ADAM33: variants seen among roughly 807,000 people sequenced by gnomAD.
ADAM33 encodes disintegrin and metalloproteinase domain-containing protein 33.
A neutral mutation model predicts 106.2 loss-of-function variants in ADAM33; 103 were observed. The observed-to-expected ratio is 0.97, with a 90% CI of 0.83 to 1.14. The LOEUF (loss-of-function observed/expected upper bound fraction) is 1.14, where lower values mean the gene tolerates loss of function less well. Ranked by LOEUF, ADAM33 falls within the 50% of genes most tolerant of loss-of-function variation. The pLI, the probability that ADAM33 is intolerant of heterozygous loss-of-function variation, is 0.00. For missense variants in ADAM33, 1,120 were observed against 1,096.6 expected, an observed-to-expected ratio of 1.02 and a Z score of -0.30; for synonymous variants, 483 against 453.0, an observed-to-expected ratio of 1.07 and a Z score of -0.84.
Position 3,674,122 on chromosome 20 carries a change from T to C in ADAM33, c.680A>G (p.His227Arg). Residue 227 changes from histidine to arginine, a missense_variant, in exon 8 of 22, where the codon CAC (histidine) becomes CGC (arginine). His to Arg is a conservative substitution (Grantham distance 29). Transcript: ENST00000356518. ...VADHTLFLTR[H>R]RNLNHTKQRL... ...CTGTTTGGTGTGGTTCAAGTTTCGG[T>C]GCCGAGTCAAGAACTGGGAAGGCAG... 1.9e-6 allele frequency: 3 copies of C among 1,614,160 alleles called. No individual in the cohort carries two copies. The highest frequency in any genetic ancestry group is 2.5e-6 in the Non-Finnish European group (3 of 1,180,024).
At position 3,671,296 on chromosome 20, in the gene ADAM33, G is replaced by A. The variant is rs773091023; in HGVS notation, c.2033C>T (p.Pro678Leu). 1 of 1,613,886 alleles carries A rather than the reference G, an allele frequency of 6.2e-7. No individual in the cohort carries two copies. The highest frequency in any genetic ancestry group is 1.1e-5 in the South Asian group (1 of 91,086). ...ACCAAAGCCTGGCTTGTCACAGAAG[G>A]GTGGAGCCCAGCCTGGAGCACAGTG... ...NCHCAPGWAP[P>L]FCDKPGFGGS... Residue 678 changes from proline to leucine, a missense_variant, in exon 18 of 22, where the codon CCC becomes CTC. Physicochemically the swap from Pro to Leu is moderately conservative, Grantham distance 98 (BLOSUM62 -3). Coordinates refer to ENST00000356518, the MANE Select transcript of ADAM33 (RefSeq NM_025220.5).
At chr20:3,672,948 C>T (rs781101933) in intron 11 of ADAM33, 50 bp from the exon 12 acceptor site, 2 of 1,477,710 alleles carry the variant, frequency 1.4e-6, no homozygotes, top group Admixed American at 4.8e-5. Context: ...CCCCCAACCC[C>T]CGCGCTTCTC....
At position 3,672,838 on chromosome 20, in the gene ADAM33, G is replaced by T; in HGVS notation, c.1194C>A (p.Arg398=). 1 of 1,575,564 alleles carries T rather than the reference G, an allele frequency of 6.3e-7. No individual in the cohort carries two copies. The highest frequency in any genetic ancestry group is 8.6e-7 in the Non-Finnish European group (1 of 1,168,322). Reference sequence around the variant, plus strand: ...TGGAGAGGCAAGCGCCGCCCCCCTTGCGGAAGAAGGCGCGCAGCTGGCGGC... The same window carrying T: ...TGGAGAGGCAAGCGCCGCCCCCCTTTCGGAAGAAGGCGCGCAGCTGGCGGC... The part of the protein sequence containing the change: ...CSRRQLRAFF[R]KGGGACLSNA... The change falls in exon 12 of 22, where the codon CGC becomes CGA. Residue 398 remains arginine (R), a synonymous_variant. Coordinates refer to ENST00000356518, the MANE Select transcript of ADAM33 (RefSeq NM_025220.5).
intron 4 of ADAM33, 80 bp from the exon 5 acceptor site, chr20:3,674,929 G>C: frequency 6.2e-7 from 1 of 1,606,866 alleles, no homozygotes; most frequent in African/African-American, 1.3e-5. Flanking sequence ...GTAGGGGCTG[G>C]CTCCAACCGC....
Position 3,673,573 on chromosome 20 carries a change from C to A in ADAM33, c.990+1G>T. 1 of 1,389,494 alleles carries A rather than the reference C, an allele frequency of 7.2e-7. No homozygotes were observed. The highest frequency in any genetic ancestry group is 1.5e-5 in the African/African-American group (1 of 65,532). The allele number at this position is 1,389,494 out of a possible 1,614,324, so 86.1% of individuals were successfully genotyped here. A position where few individuals can be genotyped will look rare whatever the true frequency, so the allele number is the denominator to read the frequency against. Reference sequence around the variant, plus strand: ...CCCTCGCCCCCGCCCGCGGGGCTCACCGTGCTCACGCCTCCCGAGCTCTCG... The same window carrying A: ...CCCTCGCCCCCGCCCGCGGGGCTCAACGTGCTCACGCCTCCCGAGCTCTCG... On this transcript the variant is annotated splice_donor_variant, in intron 10 of 21. Transcript: ENST00000356518. LOFTEE classifies it high-confidence loss of function.
intron 4 of ADAM33, 77 bp downstream of exon 4, chr20:3,674,950 T>C (rs932432761): frequency 1.2e-6 from 2 of 1,609,668 alleles, no homozygotes; most frequent in Non-Finnish European, 1.7e-6. Context: ...CCCTTAGGAA[T>C]GCAAGGAGGA....
rs899671833 is a variant in ADAM33, at chr20:3,673,791, G to A, written c.859C>T (p.Arg287Trp). 2.6e-6 allele frequency: 4 copies of A among 1,536,122 alleles called. No homozygotes were observed. Among genetic ancestry groups the A allele is most frequent in the Admixed American group, 2.0e-5 (1 of 50,676 alleles). The stretch of plus-strand genomic sequence containing the variant: ...TGGGGCCGCTGCGCCCACAGCCCCC[G>A]GCGCCACTGCAGGAAGGCCCAGAGC... ...ATLWAFLQWR[R>W]GLWAQRPHDS... Residue 287 changes from arginine to tryptophan, a missense_variant, in exon 9 of 22, where the codon CGG becomes TGG. Arg to Trp is a moderately radical substitution (Grantham distance 101). Transcript: ENST00000356518.
chr20:3,675,933 C>T lies in ADAM33; in HGVS notation c.255-828G>A, dbSNP rs1236388405. ...CCCCTACCCCTGCCCCACACACACCCGCCACCCTAGGAGGTAGGTGATGTG... is the reference window on the plus strand; with the variant it reads ...CCCCTACCCCTGCCCCACACACACCTGCCACCCTAGGAGGTAGGTGATGTG... On this transcript the variant is annotated intron_variant, in intron 3 of 21. Coordinates refer to ENST00000356518, the MANE Select transcript of ADAM33 (RefSeq NM_025220.5). This position sits in a 1 kb window ranked among gnomAD's most constrained non-coding sequence, Gnocchi z 4.1. 2.6e-5 allele frequency among the ~76,000 whole-genome samples: 4 copies of T among 151,932 alleles called. No homozygotes were observed. Among genetic ancestry groups the T allele is most frequent in the Non-Finnish European group, 5.9e-5 (4 of 67,900 alleles).
intron 3 of ADAM33, 47 bp downstream of exon 3, chr20:3,677,020 C>G (rs1231225653): frequency 4.4e-6 from 7 of 1,597,568 alleles, no homozygotes; most frequent in Non-Finnish European, 6.0e-6. Flanking sequence ...TCCCTGCCCC[C>G]CAACACTGAT....
In ADAM33 at chr20:3,668,329, C is replaced by G. The variant is rs1264802983; in HGVS notation, c.*634G>C. On this transcript the variant is annotated 3_prime_UTR_variant, in exon 22 of 22. Coordinates refer to ENST00000356518, the MANE Select transcript of ADAM33 (RefSeq NM_025220.5). ...CTTTGGTATCTTTTCTTAAATGGTT[C>G]CCTCTGTCCCCCCGACACACACAGA... 5 of 152,916 alleles carry G rather than the reference C, an allele frequency of 3.3e-5. No individual in the cohort carries two copies. The highest frequency in any genetic ancestry group is 7.3e-5 in the Non-Finnish European group (5 of 68,580). 9.5% of individuals were successfully genotyped at this position (152,916 alleles called of 1,614,324 possible).
intron 2 of ADAM33, among the ~76,000 whole-genome samples, chr20:3,677,452 C>T (rs1309022667): frequency 1.3e-5 from 2 of 152,320 alleles, no homozygotes; most frequent in East Asian, 3.9e-4. Flanking sequence ...CCTGGCCCGC[C>T]CTCTTCTTTC....
At chr20:3,679,201 C>T (rs2088240302) in intron 2 of ADAM33, among the ~76,000 whole-genome samples, 1 of 117,300 alleles carries the variant, frequency 8.5e-6, no homozygotes, top group Admixed American at 9.5e-5. Flanking sequence ...GGACCCATTT[C>T]TGCCTGGTGG....
chr20:3,675,069 G>A lies in ADAM33; in HGVS notation c.291C>T (p.Tyr97=), dbSNP rs748465094. The A allele has an allele frequency of 6.8e-5, 109 of 1,613,256 alleles. 1 individual carries two copies. Among genetic ancestry groups the A allele is most frequent in the South Asian group, 5.3e-4 (48 of 90,756 alleles). The change falls in exon 4 of 22, where the codon TAC becomes TAT. Residue 97 remains tyrosine (Y), a synonymous_variant. Transcript: ENST00000356518. The surrounding 1 kb of genome is among the most constrained non-coding windows in gnomAD (Gnocchi z 4.1). The part of the protein sequence containing the change: ...LLAPGYIETH[Y]GPDGQPVVLA... ...GCACCACTGGCTGCCCATCTGGGCC[G>A]TAGTGGGTTTCTATGTATCCTGGGG...
chr20:3,671,417 AC>A lies in ADAM33; in HGVS notation c.1983+1del. On this transcript the variant is annotated splice_donor_variant, in intron 17 of 21. Transcript: ENST00000356518. LOFTEE classifies it high-confidence loss of function. The stretch of plus-strand genomic sequence containing the variant: ...GGTCACCCCCACTCCTCGGGCTCTC[AC>A]CCCGTGGCTGTGGCAGGCAGTCAGG... 1 of 1,612,228 alleles carries A rather than the reference AC, an allele frequency of 6.2e-7. No individual in the cohort carries two copies. Among genetic ancestry groups the A allele is most frequent in the South Asian group, 1.1e-5 (1 of 90,998 alleles).
chr20:3,668,845 G>T lies in ADAM33; in HGVS notation c.*118C>A. 1 of 1,260,130 alleles carries T rather than the reference G, an allele frequency of 7.9e-7. No individual in the cohort carries two copies. The highest frequency in any genetic ancestry group is 1.2e-6 in the Non-Finnish European group (1 of 866,802). The allele number at this position is 1,260,130 out of a possible 1,614,324, so 78.1% of individuals were successfully genotyped here. On this transcript the variant is annotated 3_prime_UTR_variant, in exon 22 of 22. Transcript: ENST00000356518. ...CTCCACTCGGGGAAGAAACTTCCAA[G>T]CTGCCTGCAGGTGCTGGAGGTCCGG... is the stretch of plus-strand genomic sequence containing the variant.
At chr20:3,679,673 G>A (rs2088304926) in intron 1 of ADAM33, 102 bp from the exon 2 acceptor site, 8 of 1,082,602 alleles carry the variant, frequency 7.4e-6, no homozygotes, top group East Asian at 2.6e-5. Flanking sequence ...GGGAGGCACT[G>A]GAGGCCTTTT....
At position 3,668,644 on chromosome 20, in the gene ADAM33, G is replaced by A. The variant is rs56192728; in HGVS notation, c.*319C>T. The stretch of plus-strand genomic sequence containing the variant: ...AGACACACCAGACTCCCAGGACAGA[G>A]CCCTTTTGGGATGGCCAGCACTACC... On this transcript the variant is annotated 3_prime_UTR_variant, in exon 22 of 22. Transcript: ENST00000356518. The A allele has an allele frequency of 1.6e-4, 65 of 417,670 alleles. No individual in the cohort carries two copies. In the East Asian group the frequency reaches 2.8e-3, roughly 18 times the overall value. 25.9% of individuals were successfully genotyped at this position (417,670 alleles called of 1,614,324 possible).
In ADAM33 at chr20:3,672,744, C is replaced by T. The variant is rs1485213585; in HGVS notation, c.1288G>A (p.Glu430Lys). ...CGNGFVEAGE[E>K]CDCGPGQECR... ...ACCTGGCCAGGGCCGCAGTCACACT[C>T]CTCGCCCGCTTCCACGAAGCCGTTC... The change falls in exon 12 of 22, where the codon GAG (glutamate) becomes AAG (lysine). Residue 430 changes from glutamate to lysine, a missense_variant. Glu to Lys is a moderately conservative substitution (Grantham distance 56, BLOSUM62 1). Coordinates refer to ENST00000356518, the MANE Select transcript of ADAM33 (RefSeq NM_025220.5). 1.9e-6 allele frequency: 3 copies of T among 1,569,390 alleles called. No individual in the cohort carries two copies. In the African/African-American group the frequency reaches 4.1e-5, roughly 21 times the overall value.
At chr20:3,671,394 T>C (rs1429813014) in intron 17 of ADAM33, 25 bp downstream of exon 17, 5 of 1,610,896 alleles carry the variant, frequency 3.1e-6, no homozygotes, top group Admixed American at 1.7e-5. Flanking sequence ...AACCCCAAGG[T>C]CACCCCCACT....
Sources: allele counts gnomAD v4.1 joint callset (sites outside exome capture counted in the v4.1 genomes callset), GRCh38; gene constraint gnomAD v4.1.1; non-coding constraint Gnocchi (gnomAD v3.1); transcripts MANE v1.5; gene names NCBI Gene and HGNC (gene_info 2026-07-23, HGNC 2026-07-21).